Variants in MROH9 observed in about 807,000 individuals in gnomAD.
MROH9 encodes maestro heat-like repeat-containing protein family member 9.
A neutral mutation model predicts 98.2 loss-of-function variants in MROH9; 92 were observed. That is an observed-to-expected ratio of 0.94 (90% CI 0.79 to 1.11). The LOEUF is 1.11. MROH9 is among the 50% of genes most tolerant of loss of function. The pLI is 0.00. For synonymous variants in MROH9, 397 were observed against 368.9 expected (o/e 1.08, Z -0.87); for missense variants, 1,057 against 1,014.8 (o/e 1.04, Z -0.57).
In MROH9 at chr1:170,995,366, C is replaced by A. The variant is rs369659597; in HGVS notation, c.1195-23C>A. ...TTAGAGAAAAATGTTTACATTTCTA[C>A]CTCCTATTTCCTTCCCTTATAGGCA... On this transcript the variant is annotated intron_variant, in intron 12 of 21. Coordinates refer to ENST00000367759, the MANE Select transcript of MROH9 (RefSeq NM_001163629.2). 1.8e-5 allele frequency: 29 copies of A among 1,612,026 alleles called. No individual in the cohort carries two copies. The African/African-American group carries it at 3.9e-4, about 22-fold the overall frequency.
At chr1:170,956,580 T>G (rs1649765156) in intron 3 of MROH9, among the ~76,000 whole-genome samples, 1 of 137,802 alleles carries the variant, frequency 7.3e-6, no homozygotes, top group Admixed American at 7.3e-5. Context: ...TTTTTCTCTT[T>G]CCTTTTTTTT....
chr1:171,018,127 T>C (rs1652389844), intron 17 of MROH9, among the ~76,000 whole-genome samples: 1 of 151,924 alleles, frequency 6.6e-6, no homozygotes, highest in Non-Finnish European at 1.5e-5. Flanking sequence ...TCAGAAACCC[T>C]ATACAGGAGT....
In MROH9 at chr1:170,995,522, A is replaced by G; in HGVS notation, c.1328A>G (p.Asp443Gly). ...YNSELKPILK[D>G]RALYAQDALR... ...AGTGAGCTGAAACCGATACTCAAGG[A>G]CAGGGCTTTGTGAGTTAAAACTGGT... The change falls in exon 13 of 22, where the codon GAC becomes GGC. Residue 443 changes from aspartate (D) to glycine (G), a missense_variant. Asp to Gly is a moderately conservative substitution (Grantham distance 94). Coordinates refer to ENST00000367759, the MANE Select transcript of MROH9 (RefSeq NM_001163629.2). 1 of 1,613,172 alleles carries G rather than the reference A, an allele frequency of 6.2e-7. No individual in the cohort carries two copies. The highest frequency in any genetic ancestry group is 8.5e-7 in the Non-Finnish European group (1 of 1,179,414).
At chr1:171,003,717 G>A (rs1651859079) in intron 15 of MROH9, among the ~76,000 whole-genome samples, 1 of 152,188 alleles carries the variant, frequency 6.6e-6, no homozygotes, top group Non-Finnish European at 1.5e-5. Flanking sequence ...GTGCTGGTTG[G>A]CCTCCTGGCA....
intron 20 of MROH9, 106 bp downstream of exon 20, chr1:171,025,526 G>A (rs1428336876): frequency 2.9e-6 from 2 of 692,046 alleles, no homozygotes; most frequent in Admixed American, 2.5e-5. Flanking sequence ...TGTTTATGAG[G>A]GACAGCACCT....
intron 8 of MROH9, 42 bp downstream of exon 8, chr1:170,971,925 A>G (rs779242619): frequency 3.1e-6 from 5 of 1,601,490 alleles, no homozygotes; most frequent in East Asian, 2.2e-5. Context: ...TACTAAGAAT[A>G]TGTCCCTCGT....
At chr1:171,017,946 G>C (rs1479970118) in intron 17 of MROH9, among the ~76,000 whole-genome samples, 3 of 152,182 alleles carry the variant, frequency 2.0e-5, no homozygotes, top group African/African-American at 7.2e-5. Flanking sequence ...CTGCACACCA[G>C]CAGACATAGT....
At chr1:170,951,369 A>G (rs918874966) in intron 3 of MROH9, among the ~76,000 whole-genome samples, 14 of 152,104 alleles carry the variant, frequency 9.2e-5, no homozygotes, top group Non-Finnish European at 2.1e-4. Context: ...AAACTGGACT[A>G]CCATTCCAGG....
chr1:171,016,177 C>T lies in MROH9; in HGVS notation c.1749C>T (p.Ser583=), dbSNP rs950733298. ...SPIINKTENV[S]SILIAILDAF... is the part of the protein sequence containing the mutation. ...TTTATATGTAGACAGAAAATGTCAGCAGTATATTAATAGCCATCCTGGATG... is the reference window on the plus strand; with the variant it reads ...TTTATATGTAGACAGAAAATGTCAGTAGTATATTAATAGCCATCCTGGATG... Residue 583 remains serine (S), a synonymous_variant, in exon 17 of 22, where the codon AGC becomes AGT. Coordinates refer to ENST00000367759, the MANE Select transcript of MROH9 (RefSeq NM_001163629.2). The T allele has an allele frequency of 3.3e-6, 5 of 1,494,852 alleles. No individual in the cohort carries two copies. The highest frequency in any genetic ancestry group is 2.6e-5 in the East Asian group (1 of 38,004). 92.6% of individuals were successfully genotyped at this position (1,494,852 alleles called of 1,614,324 possible).
chr1:170,957,501 G>C (rs1649810691), intron 3 of MROH9, among the ~76,000 whole-genome samples: 1 of 151,952 alleles, frequency 6.6e-6, no homozygotes, highest in South Asian at 2.1e-4. Flanking sequence ...ATTTATTTCT[G>C]GGCTTTTTAT....
intron 16 of MROH9, 141 bp from the exon 17 acceptor site, chr1:171,016,022 T>G (rs1652310581): frequency 2.3e-6 from 1 of 443,558 alleles, no homozygotes; most frequent in Non-Finnish European, 3.9e-6. Context: ...AGTCAACATT[T>G]TTGAAAATTT....
At chr1:171,007,533 G>A (rs1652003026) in intron 15 of MROH9, among the ~76,000 whole-genome samples, 1 of 152,188 alleles carries the variant, frequency 6.6e-6, no homozygotes, top group Non-Finnish European at 1.5e-5. Context: ...GGATAGGCAT[G>A]TTCCTAAGCT....
intron 10 of MROH9, among the ~76,000 whole-genome samples, chr1:170,987,027 C>T (rs547197675): frequency 1.0e-4 from 15 of 149,192 alleles, no homozygotes; most frequent in East Asian, 5.8e-4. Flanking sequence ...ATTTTTTAAA[C>T]GAATTTTTGT....
At chr1:171,040,886 G>A (rs1290248094) in intron 20 of MROH9, among the ~76,000 whole-genome samples, 1 of 152,012 alleles carries the variant, frequency 6.6e-6, no homozygotes, top group Non-Finnish European at 1.5e-5. Context: ...GCTGACTGAA[G>A]AATAACTATT....
chr1:170,941,006 A>G (rs1258665039), intron 1 of MROH9, among the ~76,000 whole-genome samples: 2 of 152,170 alleles, frequency 1.3e-5, no homozygotes, highest in Non-Finnish European at 2.9e-5. Context: ...AGTTATAACA[A>G]ATAACTCTGT....
chr1:171,063,516 T>G (rs1298138247), intron 21 of MROH9, among the ~76,000 whole-genome samples: 1 of 152,136 alleles, frequency 6.6e-6, no homozygotes, highest in African/African-American at 2.4e-5. Flanking sequence ...TCTCCCGAAG[T>G]GCTGGGATTA....
intron 15 of MROH9, chr1:170,998,813 A>G: frequency 1.1e-6 from 1 of 904,376 alleles, no homozygotes. Flanking sequence ...GAAATTATCA[A>G]ATCTAATTTT....
intron 20 of MROH9, among the ~76,000 whole-genome samples, chr1:171,038,704 G>A (rs1220728633): frequency 2.0e-5 from 3 of 152,108 alleles, no homozygotes; most frequent in Non-Finnish European, 4.4e-5. Flanking sequence ...AACTGGGTCA[G>A]CCCAATTTTA....
chr1:170,957,866 T>TG (rs1290566164), intron 3 of MROH9, among the ~76,000 whole-genome samples: 1 of 150,646 alleles, frequency 6.6e-6, no homozygotes, highest in Non-Finnish European at 1.5e-5. Context: ...TGGAGTGCAG[T>TG]GGGGCCATCT....
Sources: allele counts gnomAD v4.1 joint callset (sites outside exome capture counted in the v4.1 genomes callset), GRCh38; gene constraint gnomAD v4.1.1; transcripts MANE v1.5; gene names NCBI Gene and HGNC (gene_info 2026-07-23, HGNC 2026-07-21).